Variants in SRBD1 observed in about 807,000 individuals in gnomAD.
SRBD1 encodes the protein S1 RNA-binding domain-containing protein 1.
A neutral mutation model predicts 115.3 loss-of-function variants in SRBD1; 88 were observed. The observed-to-expected ratio is 0.76, with a 90% confidence interval of 0.64 to 0.91. The LOEUF is 0.91. SRBD1 is among the 40% of genes least tolerant of loss of function. The pLI is 0.00. For synonymous variants in SRBD1, 509 were observed against 407.7 expected, an observed-to-expected ratio of 1.25 and a Z score of -2.99; for missense variants, 1,385 against 1,177.4, an observed-to-expected ratio of 1.18 and a Z score of -2.58.
intron 19 of SRBD1, among the ~76,000 whole-genome samples, chr2:45,401,571 C>A (rs1667292680): frequency 6.6e-6 from 1 of 152,192 alleles, no homozygotes; most frequent in Admixed American, 6.5e-5. Context: ...GGTCTGTTTA[C>A]CTAATCATCA....
At position 45,461,866 on chromosome 2, in the gene SRBD1, T is replaced by C. The variant is rs767709780; in HGVS notation, c.2049+15127A>G. Among the ~76,000 whole-genome samples, 51 of 152,178 alleles carry C rather than the reference T, an allele frequency of 3.4e-4. 1 individual carries two copies. Among genetic ancestry groups the C allele is most frequent in the Non-Finnish European group, 6.5e-4 (44 of 68,034 alleles). Reference sequence around the variant, plus strand: ...GTGGAGTCCTCTTCTGAGATAGATGTGGGAGATACTTGGAAGCTAAAAAGA... The same window carrying C: ...GTGGAGTCCTCTTCTGAGATAGATGCGGGAGATACTTGGAAGCTAAAAAGA... On this transcript the variant is annotated intron_variant, in intron 16 of 20. Transcript: ENST00000263736.
intron 14 of SRBD1, among the ~76,000 whole-genome samples, chr2:45,544,431 G>C (rs987595067): frequency 6.6e-6 from 1 of 152,074 alleles, no homozygotes; most frequent in Admixed American, 6.6e-5. Flanking sequence ...GCTAAAAGAG[G>C]ATTAAAACTA....
At chr2:45,521,286 A>AACACACACACACACACACAC (rs71394840) in intron 14 of SRBD1, among the ~76,000 whole-genome samples, 1 of 146,330 alleles carries the variant, frequency 6.8e-6, no homozygotes, top group Non-Finnish European at 1.5e-5. Flanking sequence ...CAAAAAGGAA[A>AACACACACACACACACACAC]ACACACACAC....
At chr2:45,511,699 T>C (rs1308345179) in intron 14 of SRBD1, among the ~76,000 whole-genome samples, 1 of 152,216 alleles carries the variant, frequency 6.6e-6, no homozygotes, top group African/African-American at 2.4e-5. Context: ...ATGCATATAT[T>C]CCTTCTGCAC....
intron 1 of SRBD1, among the ~76,000 whole-genome samples, chr2:45,608,573 T>C (rs925448064): frequency 6.6e-6 from 1 of 152,208 alleles, no homozygotes; most frequent in Non-Finnish European, 1.5e-5. Context: ...TCCACGGTTT[T>C]ACATACCGAT....
chr2:45,497,618 A>C (rs1039550021), intron 14 of SRBD1, among the ~76,000 whole-genome samples: 1 of 152,144 alleles, frequency 6.6e-6, no homozygotes, highest in Non-Finnish European at 1.5e-5. Context: ...CACACTTTTT[A>C]AGGTTTGCTG....
At chr2:45,548,809 C>T (rs544135272) in intron 12 of SRBD1, among the ~76,000 whole-genome samples, 4 of 151,572 alleles carry the variant, frequency 2.6e-5, no homozygotes, top group East Asian at 3.9e-4. Context: ...CAAAAAGTCA[C>T]GACTATATCT....
chr2:45,464,123 G>T (rs529926306), intron 16 of SRBD1, among the ~76,000 whole-genome samples: 1 of 151,356 alleles, frequency 6.6e-6, no homozygotes, highest in African/African-American at 2.4e-5. Flanking sequence ...TGCAGAGGGG[G>T]TAAAGAAATG....
chr2:45,410,850 G>C (rs990072840), intron 19 of SRBD1, among the ~76,000 whole-genome samples: 2 of 152,194 alleles, frequency 1.3e-5, no homozygotes, highest in Admixed American at 1.3e-4. Context: ...GGTTCCTAGA[G>C]GGTAGTATGC....
intron 14 of SRBD1, among the ~76,000 whole-genome samples, chr2:45,497,211 C>T (rs1670486612): frequency 1.3e-5 from 2 of 152,176 alleles, no homozygotes; most frequent in African/African-American, 4.8e-5. Flanking sequence ...TAAAAGAACA[C>T]AGGAATTTAC....
intron 16 of SRBD1, among the ~76,000 whole-genome samples, chr2:45,444,688 T>C (rs1296753356): frequency 6.6e-6 from 1 of 152,228 alleles, no homozygotes; most frequent in East Asian, 1.9e-4. Flanking sequence ...GTTGGCATCA[T>C]AATTGGGATA....
At chr2:45,570,633 C>T (rs957116476) in intron 9 of SRBD1, among the ~76,000 whole-genome samples, 10 of 152,068 alleles carry the variant, frequency 6.6e-5, no homozygotes, top group African/African-American at 2.2e-4. Context: ...TTTATAACAA[C>T]GAAAGAAACA....
chr2:45,572,160 C>A (rs1212828170), intron 9 of SRBD1, among the ~76,000 whole-genome samples: 2 of 151,960 alleles, frequency 1.3e-5, no homozygotes, highest in African/African-American at 4.8e-5. Context: ...AATAAGGCAT[C>A]GTAAGATTAA....
At chr2:45,413,603 C>A (rs1325763065) in intron 18 of SRBD1, among the ~76,000 whole-genome samples, 2 of 152,120 alleles carry the variant, frequency 1.3e-5, no homozygotes, top group Admixed American at 1.3e-4. Flanking sequence ...TCAAAAGAAT[C>A]TATTGAGTGT....
intron 9 of SRBD1, among the ~76,000 whole-genome samples, chr2:45,568,206 A>G (rs1389318732): frequency 6.6e-6 from 1 of 152,220 alleles, no homozygotes; most frequent in Non-Finnish European, 1.5e-5. Flanking sequence ...AGATCACACT[A>G]AGGACCAATT....
chr2:45,610,614 T>A (rs1451048558), intron 1 of SRBD1, among the ~76,000 whole-genome samples: 3 of 152,192 alleles, frequency 2.0e-5, no homozygotes, highest in Non-Finnish European at 4.4e-5. Context: ...GAAAGTTGCC[T>A]AGAGAGTTCC....
chr2:45,441,127 A>G (rs1668657011), intron 16 of SRBD1, among the ~76,000 whole-genome samples: 1 of 152,182 alleles, frequency 6.6e-6, no homozygotes, highest in African/African-American at 2.4e-5. Flanking sequence ...AACCTTTCAA[A>G]TTAGACCTGA....
chr2:45,501,811 T>G (rs185901897), intron 14 of SRBD1, among the ~76,000 whole-genome samples: 1 of 151,694 alleles, frequency 6.6e-6, no homozygotes, highest in East Asian at 1.9e-4. Flanking sequence ...CTGGGTGGAG[T>G]CCACCGCAGC....
At chr2:45,563,551 C>A (rs1248407589) in intron 9 of SRBD1, among the ~76,000 whole-genome samples, 1 of 151,822 alleles carries the variant, frequency 6.6e-6, no homozygotes, top group African/African-American at 2.4e-5. Context: ...AATTAACAGA[C>A]CTTTCGCTAG....
Sources: allele counts gnomAD v4.1 joint callset (sites outside exome capture counted in the v4.1 genomes callset), GRCh38; gene constraint gnomAD v4.1.1; transcripts MANE v1.5; gene names NCBI Gene and HGNC (gene_info 2026-07-23, HGNC 2026-07-21).